The following ATP6V0A1 variants were observed in gnomAD, a reference collection of about 807,000 sequenced individuals.
The protein encoded by ATP6V0A1 is V-type proton ATPase 116 kDa subunit a 1.
Under a neutral mutation model 105.4 loss-of-function variants are expected in ATP6V0A1, and 43 were observed. The observed-to-expected ratio is 0.41, with a 90% CI of 0.32 to 0.53. The LOEUF is 0.53. ATP6V0A1 is among the 20% of genes least tolerant of loss of function. The probability of loss-of-function intolerance (pLI) is 0.30; values close to 1 mark genes in which losing one functional copy is unlikely to be tolerated. For synonymous variants in ATP6V0A1, 362 were observed against 372.8 expected (o/e 0.97, Z 0.33); for missense variants, 676 against 1,051.1 (o/e 0.64, Z 4.93).
intron 9 of ATP6V0A1, 82 bp from the exon 10 acceptor site, chr17:42,487,073 G>T (rs1342985978): frequency 3.0e-6 from 4 of 1,342,102 alleles, no homozygotes; most frequent in Non-Finnish European, 4.3e-6. Flanking sequence ...TTTTCAGAAA[G>T]CTATGCCTCT....
At chr17:42,518,024 G>C (rs764660434) in intron 21 of ATP6V0A1, 1 of 152,264 alleles carries the variant, frequency 6.6e-6, no homozygotes, top group Non-Finnish European at 1.5e-5. Context: ...TGTCTCCTGA[G>C]TTTTCTCTCT....
chr17:42,520,068 C>T (rs1236462276), intron 21 of ATP6V0A1: 1 of 190,272 alleles, frequency 5.3e-6, no homozygotes, highest in Non-Finnish European at 1.1e-5. Flanking sequence ...TTTAAAGCGC[C>T]TCAAAGCCCT....
intron 19 of ATP6V0A1, among the ~76,000 whole-genome samples, chr17:42,512,302 G>A (rs1416668736): frequency 2.6e-5 from 4 of 152,210 alleles, no homozygotes; most frequent in African/African-American, 7.2e-5. Context: ...AGTTTATTCG[G>A]TGGGAGAAAC....
At chr17:42,513,763 C>T (rs2092467730) in intron 19 of ATP6V0A1, 98 bp from the exon 20 acceptor site, 4 of 1,160,280 alleles carry the variant, frequency 3.4e-6, no homozygotes, top group Non-Finnish European at 1.3e-6. Context: ...AGTCCCCTGC[C>T]CTGGCCCAGG....
intron 4 of ATP6V0A1, among the ~76,000 whole-genome samples, chr17:42,469,286 A>G (rs975836068): frequency 1.7e-5 from 2 of 118,634 alleles, no homozygotes; most frequent in Admixed American, 8.4e-5. Flanking sequence ...AAGAAAGACT[A>G]TTTTTTTGAC....
chr17:42,496,630 CAGG>C (rs1190074962), intron 14 of ATP6V0A1: 1 of 152,044 alleles, frequency 6.6e-6, no homozygotes, highest in Non-Finnish European at 1.5e-5. Context: ...CACTTGAGGT[CAGG>C]AGTTCGAGAC....
At chr17:42,487,084 T>G in intron 9 of ATP6V0A1, 71 bp from the exon 10 acceptor site, 1 of 1,439,592 alleles carries the variant, frequency 6.9e-7, no homozygotes, top group South Asian at 1.1e-5. Context: ...CTATGCCTCT[T>G]TGCCATTCAT....
intron 8 of ATP6V0A1, 59 bp downstream of exon 8, chr17:42,480,808 TA>T (rs2089401895): frequency 6.7e-7 from 1 of 1,491,586 alleles, no homozygotes; most frequent in East Asian, 2.3e-5. Context: ...TGTTGAGTCT[TA>T]AAGTTCACAA....
chr17:42,481,754 G>A (rs546917119), intron 8 of ATP6V0A1, among the ~76,000 whole-genome samples: 1 of 152,284 alleles, frequency 6.6e-6, no homozygotes, highest in African/African-American at 2.4e-5. Context: ...AGGACTCATG[G>A]TTTATAAATG....
intron 18 of ATP6V0A1, 82 bp from the exon 19 acceptor site, chr17:42,508,490 A>G (rs1389967714): frequency 6.4e-7 from 1 of 1,566,276 alleles, no homozygotes; most frequent in Non-Finnish European, 8.8e-7. Context: ...CTCCCCAAGA[A>G]GCATTCAGTA....
intron 11 of ATP6V0A1, among the ~76,000 whole-genome samples, chr17:42,491,771 C>T (rs1056453311): frequency 3.9e-5 from 6 of 152,190 alleles, no homozygotes; most frequent in African/African-American, 1.2e-4. Flanking sequence ...ACGTGAGCCA[C>T]TGCGCCCGGC....
intron 1 of ATP6V0A1, chr17:42,460,357 A>G (rs2086258250): frequency 6.5e-6 from 1 of 153,216 alleles, no homozygotes; most frequent in South Asian, 2.0e-4. Flanking sequence ...GGATAGTGCC[A>G]GAACTTTGGG....
intron 11 of ATP6V0A1, among the ~76,000 whole-genome samples, chr17:42,491,666 C>G (rs181344444): frequency 2.7e-4 from 41 of 151,982 alleles, no homozygotes; most frequent in Admixed American, 2.4e-3. Flanking sequence ...TATTTTTAGT[C>G]GAGACGGGGT....
intron 9 of ATP6V0A1, among the ~76,000 whole-genome samples, chr17:42,485,530 GT>G (rs150555636): frequency 0.056 from 8,423 of 151,032 alleles, 586 homozygotes; most frequent in African/African-American, 0.15. Context: ...GGTTTTTTGT[GT>G]TTTGTTTGTT....
At chr17:42,467,295 G>A (rs2087215750) in intron 3 of ATP6V0A1, among the ~76,000 whole-genome samples, 2 of 152,100 alleles carry the variant, frequency 1.3e-5, no homozygotes, top group African/African-American at 2.4e-5. Context: ...AGATTAGAGA[G>A]GCTTAATGAC....
At chr17:42,505,248 C>T (rs913153124) in intron 17 of ATP6V0A1, among the ~76,000 whole-genome samples, 3 of 152,286 alleles carry the variant, frequency 2.0e-5, no homozygotes, top group Admixed American at 1.3e-4. Context: ...CCCTGTCGCC[C>T]AGGCTAGAGT....
At chr17:42,500,947 G>C (rs974929551) in intron 16 of ATP6V0A1, 24 bp downstream of exon 16, 10 of 1,588,868 alleles carry the variant, frequency 6.3e-6, no homozygotes, top group East Asian at 4.5e-5. Context: ...GAGGCAGACT[G>C]TCTGAGATGA....
intron 10 of ATP6V0A1, among the ~76,000 whole-genome samples, chr17:42,490,233 A>ATG (rs1398889072): frequency 3.9e-5 from 6 of 152,186 alleles, no homozygotes; most frequent in African/African-American, 1.2e-4. Context: ...CACATTAAGG[A>ATG]TGTATTTCAG....
chr17:42,503,925 A>G (rs2091859195), intron 17 of ATP6V0A1, among the ~76,000 whole-genome samples: 1 of 152,256 alleles, frequency 6.6e-6, no homozygotes, highest in Non-Finnish European at 1.5e-5. Flanking sequence ...TTTAGAACAC[A>G]TACTACCTAT....
Sources: allele counts gnomAD v4.1 joint callset (sites outside exome capture counted in the v4.1 genomes callset), GRCh38; gene constraint gnomAD v4.1.1; transcripts MANE v1.5; gene names NCBI Gene and HGNC (gene_info 2026-07-23, HGNC 2026-07-21).